ARHGEF28: variants seen among roughly 807,000 people sequenced by gnomAD.
The protein encoded by ARHGEF28 is 190 kDa guanine nucleotide exchange factor.
In ARHGEF28, 152 loss-of-function variants were observed where a neutral mutation model predicts 206.6. The observed-to-expected ratio is 0.74, with a 90% CI of 0.64 to 0.84. ARHGEF28 has a LOEUF of 0.84. Among genes scored for constraint, ARHGEF28 ranks in the 40% least tolerant of loss-of-function variants. The probability of loss-of-function intolerance (pLI) is 0.00; values close to 1 mark genes in which losing one functional copy is unlikely to be tolerated. For missense variants in ARHGEF28, 2,028 were observed against 2,073.2 expected (o/e 0.98, Z 0.42); for synonymous variants, 763 against 776.4 (o/e 0.98, Z 0.29).
At chr5:73,642,251 T>C (rs768346205) in intron 1 of ARHGEF28, among the ~76,000 whole-genome samples, 1 of 152,242 alleles carries the variant, frequency 6.6e-6, no homozygotes, top group African/African-American at 2.4e-5. Flanking sequence ...CTTGTCACCG[T>C]CTATGTTAGA....
intron 11 of ARHGEF28, among the ~76,000 whole-genome samples, chr5:73,845,091 C>T (rs976673299): frequency 7.0e-6 from 1 of 142,508 alleles, no homozygotes; most frequent in Non-Finnish European, 1.5e-5. Context: ...GATCTTGGCT[C>T]ACTGCAAGCT....
chr5:73,679,669 C>CT (rs200382310), intron 1 of ARHGEF28, among the ~76,000 whole-genome samples: 2,727 of 150,676 alleles, frequency 0.018, 79 homozygotes, highest in African/African-American at 0.062. Flanking sequence ...TAAAATATCA[C>CT]TTTTTTTTCT....
chr5:73,857,196 T>C (rs1269406267), intron 14 of ARHGEF28, among the ~76,000 whole-genome samples: 1 of 152,212 alleles, frequency 6.6e-6, no homozygotes, highest in Non-Finnish European at 1.5e-5. Flanking sequence ...CTGAGTATTA[T>C]CTCTGCGTTC....
chr5:73,831,303 C>G (rs1757286686), intron 9 of ARHGEF28, among the ~76,000 whole-genome samples: 1 of 152,094 alleles, frequency 6.6e-6, no homozygotes, highest in Non-Finnish European at 1.5e-5. Flanking sequence ...GTAAACTAGC[C>G]AAGGTCACAA....
chr5:73,922,673 T>A (rs1763584291), intron 35 of ARHGEF28, among the ~76,000 whole-genome samples: 1 of 152,162 alleles, frequency 6.6e-6, no homozygotes, highest in Non-Finnish European at 1.5e-5. Flanking sequence ...TTTCATATGG[T>A]TCTGTTTTTG....
chr5:73,856,685 T>C (rs1414735149), intron 14 of ARHGEF28, among the ~76,000 whole-genome samples: 1 of 152,224 alleles, frequency 6.6e-6, no homozygotes, highest in South Asian at 2.1e-4. Context: ...TATAATGATA[T>C]ATATTTTGGT....
chr5:73,652,662 G>A (rs185235734), intron 1 of ARHGEF28, among the ~76,000 whole-genome samples: 38 of 152,304 alleles, frequency 2.5e-4, no homozygotes, highest in East Asian at 2.1e-3. Flanking sequence ...ATATTGCTCC[G>A]AAAAGGTCAT....
chr5:73,784,406 G>C (rs1754030614), intron 7 of ARHGEF28, among the ~76,000 whole-genome samples: 1 of 152,040 alleles, frequency 6.6e-6, no homozygotes, highest in African/African-American at 2.4e-5. Flanking sequence ...CCAGAATAAT[G>C]GCACATTATT....
chr5:73,749,752 G>C (rs1158258650), intron 2 of ARHGEF28, 85 bp from the exon 3 acceptor site: 9 of 1,490,692 alleles, frequency 6.0e-6, no homozygotes, highest in Non-Finnish European at 7.3e-6. Context: ...AAATGACACT[G>C]TTATGGACCC....
At chr5:73,692,233 C>T (rs541440540) in intron 2 of ARHGEF28, among the ~76,000 whole-genome samples, 17 of 152,096 alleles carry the variant, frequency 1.1e-4, no homozygotes, top group African/African-American at 3.9e-4. Flanking sequence ...TTGACTAATC[C>T]GTGGAGATTT....
At chr5:73,786,851 C>A (rs564360898) in intron 7 of ARHGEF28, among the ~76,000 whole-genome samples, 3 of 152,232 alleles carry the variant, frequency 2.0e-5, no homozygotes, top group East Asian at 3.9e-4. Context: ...GGTAAAGATA[C>A]GTGTTTTGAG....
At chr5:73,808,471 C>A (rs2112513371) in intron 9 of ARHGEF28, among the ~76,000 whole-genome samples, 1 of 152,276 alleles carries the variant, frequency 6.6e-6, no homozygotes, top group Middle Eastern at 3.4e-3. Flanking sequence ...GTGAAAGCCA[C>A]CCATTTCACC....
intron 2 of ARHGEF28, among the ~76,000 whole-genome samples, chr5:73,730,336 G>C (rs1057169368): frequency 1.3e-5 from 2 of 152,170 alleles, no homozygotes; most frequent in African/African-American, 4.8e-5. Flanking sequence ...CGCAAGGCTA[G>C]GAGAATGACT....
At chr5:73,897,130 A>C (rs1762003318) in intron 29 of ARHGEF28, among the ~76,000 whole-genome samples, 1 of 152,258 alleles carries the variant, frequency 6.6e-6, no homozygotes, top group South Asian at 2.1e-4. Flanking sequence ...CTTGAAACCC[A>C]TCCATCCTTC....
rs566518859 is a variant in ARHGEF28, at chr5:73,790,553, G to A, written c.911-3849G>A. On this transcript the variant is annotated intron_variant, in intron 7 of 35. Coordinates refer to ENST00000513042, the MANE Select transcript of ARHGEF28 (RefSeq NM_001177693.2). Reference sequence around the variant, plus strand: ...TGGAGCTTGTTGAATTGAGTGGAATGTTGGGCTCTCACTCACTGATAAGTC... The same window carrying A: ...TGGAGCTTGTTGAATTGAGTGGAATATTGGGCTCTCACTCACTGATAAGTC... Among the ~76,000 whole-genome samples, 4 of 152,134 alleles carry A rather than the reference G, an allele frequency of 2.6e-5. No homozygotes were observed. The South Asian group carries it at 8.3e-4, about 32-fold the overall frequency.
chr5:73,893,320 G>A lies in ARHGEF28; in HGVS notation c.3658+32G>A, dbSNP rs2973529. 0.34 allele frequency: 515,709 copies of A among 1,500,750 alleles called. 92,183 individuals carry two copies. Among genetic ancestry groups the A allele is most frequent in the Admixed American group, 0.46 (21,275 of 46,030 alleles). The allele number at this position is 1,500,750 out of a possible 1,614,324, so 93.0% of individuals were successfully genotyped here. A position where few individuals can be genotyped will look rare whatever the true frequency, so the allele number is the denominator to read the frequency against. ...TGCAGGCACTTCTGGCTCCCTGGTC[G>A]TGGTGTTCTCCTGGGTGTTGGGAAA... On this transcript the variant is annotated intron_variant, in intron 28 of 35. Coordinates refer to ENST00000513042, the MANE Select transcript of ARHGEF28 (RefSeq NM_001177693.2).
At chr5:73,831,024 C>G (rs983561678) in intron 9 of ARHGEF28, among the ~76,000 whole-genome samples, 2 of 152,150 alleles carry the variant, frequency 1.3e-5, no homozygotes, top group Admixed American at 1.3e-4. Context: ...TTTAAACATA[C>G]TGAAAATCTG....
intron 4 of ARHGEF28, among the ~76,000 whole-genome samples, chr5:73,771,547 C>CAAAAA (rs59263206): frequency 7.1e-6 from 1 of 139,944 alleles, no homozygotes. Context: ...GACTCCATCT[C>CAAAAA]AAAAAAAAAA....
At chr5:73,636,017 T>C (rs750153951) in intron 1 of ARHGEF28, among the ~76,000 whole-genome samples, 3 of 152,224 alleles carry the variant, frequency 2.0e-5, no homozygotes, top group African/African-American at 7.2e-5. Flanking sequence ...ACCAGAAATA[T>C]TGATATCTTG....
Sources: gnomAD v4.1 joint callset for allele counts (sites outside exome capture counted in the v4.1 genomes callset) on GRCh38, gnomAD v4.1.1 for gene constraint, MANE v1.5 for transcripts, NCBI Gene and HGNC (gene_info 2026-07-23, HGNC 2026-07-21) for gene names.